Variants in TRRAP observed in about 807,000 individuals in gnomAD.
TRRAP encodes the protein transformation/transcription domain-associated protein.
A neutral mutation model predicts 438.8 loss-of-function variants in TRRAP; 41 were observed. The observed-to-expected ratio is 0.09, with a 90% confidence interval of 0.07 to 0.12. The LOEUF (loss-of-function observed/expected upper bound fraction) is 0.12, where lower values mean the gene tolerates loss of function less well. Among genes scored for constraint, TRRAP ranks in the 10% least tolerant of loss-of-function variants. TRRAP has a pLI of 1.00. For missense variants in TRRAP, 3,122 were observed against 5,055.1 expected, an observed-to-expected ratio of 0.62 and a Z score of 11.60; for synonymous variants, 1,994 against 1,962.9, an observed-to-expected ratio of 1.02 and a Z score of -0.42.
intron 57 of TRRAP, 86 bp downstream of exon 57, chr7:98,978,409 T>C: frequency 8.1e-7 from 1 of 1,239,622 alleles, no homozygotes; most frequent in Non-Finnish European, 1.2e-6. Context: ...TAATGAGCGT[T>C]TTTTAAAGAA....
chr7:98,967,141 A>T lies in TRRAP; in HGVS notation c.7277A>T (p.Asp2426Val), dbSNP rs1792192694. Reference protein sequence around the residue: ...EDLELNAQFLDLVNYVYRDET... With the variant: ...EDLELNAQFLVLVNYVYRDET... ...CTTGAATTAAATGCCCAGTTTTTAG[A>T]TCTTGTTAACTATGTCTACAGGTAA... Residue 2426 changes from aspartate (D) to valine (V), a missense_variant, in exon 50 of 73, where the codon GAT (aspartate) becomes GTT (valine). Physicochemically the swap from Asp to Val is radical, Grantham distance 152 (BLOSUM62 -3). Around this residue, in one of 24 missense-constraint regions of TRRAP, gnomAD observed 992 missense variants for 1,281.2 expected, o/e 0.77. Transcript: ENST00000456197. 6.2e-7 allele frequency: 1 copy of T among 1,613,928 alleles called. No individual in the cohort carries two copies. Among genetic ancestry groups the T allele is most frequent in the South Asian group, 1.1e-5 (1 of 91,056 alleles).
At chr7:98,927,493 A>T (rs1239984506) in intron 23 of TRRAP, 127 bp downstream of exon 23, 1 of 1,197,452 alleles carries the variant, frequency 8.4e-7, no homozygotes, top group Non-Finnish European at 1.1e-6. Context: ...TTCGGCTTTT[A>T]TTTTCCAATT....
rs2116344133 is a variant in TRRAP, at chr7:98,899,512, C to T, written c.711+13C>T. 2.5e-6 allele frequency: 4 copies of T among 1,613,756 alleles called. No individual in the cohort carries two copies. Among genetic ancestry groups the T allele is most frequent in the East Asian group, 2.2e-5 (1 of 44,880 alleles). On this transcript the variant is annotated intron_variant, in intron 9 of 72. Coordinates refer to ENST00000456197, the MANE Select transcript of TRRAP (RefSeq NM_001375524.1). ...TTTAATGTATCAGGTATGTGTATTG[C>T]TCATTAGTCTCTTGGGTTTTGGGCT...
In TRRAP at chr7:98,948,431, G is replaced by A. The variant is rs970559526; in HGVS notation, c.4668+91G>A. The A allele has an allele frequency of 4.8e-5, 77 of 1,609,582 alleles. No homozygotes were observed. In the Middle Eastern group the frequency reaches 5.6e-4, roughly 12 times the overall value. On this transcript the variant is annotated intron_variant, in intron 34 of 72. Transcript: ENST00000456197. This position sits in a 1 kb window ranked among gnomAD's most constrained non-coding sequence, Gnocchi z 4.9. ...GATCGTATTTTCAATGGACGGAACAGCATAAAGACGTTCGATGTCAACATT... is the reference window on the plus strand; with the variant it reads ...GATCGTATTTTCAATGGACGGAACAACATAAAGACGTTCGATGTCAACATT...
rs374730818 is a variant in TRRAP, at chr7:99,007,409, C to T, written c.10754-968C>T. On this transcript the variant is annotated intron_variant, in intron 69 of 72. Coordinates refer to ENST00000456197, the MANE Select transcript of TRRAP (RefSeq NM_001375524.1). ...TCTCATTCAGGCTGGAGTGCAGTGG[C>T]GCAATCTCAGTTCACTGCCACCTCC... is the stretch of plus-strand genomic sequence containing the variant. 2.4e-4 allele frequency among the ~76,000 whole-genome samples: 37 copies of T among 152,308 alleles called. No homozygotes were observed. In the South Asian group the frequency reaches 5.4e-3, roughly 22 times the overall value.
chr7:98,967,256 C>G (rs1232792536), intron 50 of TRRAP, 94 bp downstream of exon 50: 1 of 1,474,504 alleles, frequency 6.8e-7, no homozygotes, highest in East Asian at 2.3e-5. Flanking sequence ...ATCTTTTACT[C>G]ATACCTAAGT....
rs1429906772 is a variant in TRRAP, at chr7:98,897,989, A to G, written c.633+123A>G. 4.1e-6 allele frequency: 6 copies of G among 1,466,022 alleles called. No homozygotes were observed. The Admixed American group carries it at 7.5e-5, about 18-fold the overall frequency. 90.8% of individuals were successfully genotyped at this position (1,466,022 alleles called of 1,614,324 possible). On this transcript the variant is annotated intron_variant, in intron 8 of 72. Coordinates refer to ENST00000456197, the MANE Select transcript of TRRAP (RefSeq NM_001375524.1). ...TTAAGACAAACGTGTGTGCCTGGCA[A>G]AGCATCACTGGTCCTTCTCTGCAGC...
chr7:98,919,834 G>A (rs1353318168), intron 20 of TRRAP, among the ~76,000 whole-genome samples: 1 of 152,138 alleles, frequency 6.6e-6, no homozygotes, highest in Non-Finnish European at 1.5e-5. Flanking sequence ...CAGGCTCAAG[G>A]CCACAGGAAC....
chr7:98,897,400 T>G (rs1250243488), intron 7 of TRRAP, among the ~76,000 whole-genome samples: 1 of 152,222 alleles, frequency 6.6e-6, no homozygotes, highest in African/African-American at 2.4e-5. Flanking sequence ...AGGGTTTGTA[T>G]TTAATCATTT....
chr7:98,909,440 G>GT lies in TRRAP; in HGVS notation c.1350+484dup, dbSNP rs372810973. Among the ~76,000 whole-genome samples the GT allele has an allele frequency of 6.1e-3, 934 of 152,314 alleles. 10 individuals are homozygous for GT. Among genetic ancestry groups the GT allele is most frequent in the African/African-American group, 0.021 (870 of 41,572 alleles). On this transcript the variant is annotated intron_variant, in intron 14 of 72. Coordinates refer to ENST00000456197, the MANE Select transcript of TRRAP (RefSeq NM_001375524.1). ...CCAGATGCTTCACTTCTGTGCACCA[G>GT]TTTTTTCATCTTTTCACTTGGGGTG...
At chr7:98,879,972 C>T (rs1250833403) in intron 1 of TRRAP, among the ~76,000 whole-genome samples, 1 of 152,222 alleles carries the variant, frequency 6.6e-6, no homozygotes, top group Non-Finnish European at 1.5e-5. Flanking sequence ...GTGAAAGCAA[C>T]TTATTTCACC....
intron 44 of TRRAP, 89 bp downstream of exon 44, chr7:98,958,180 C>A: frequency 8.8e-7 from 1 of 1,140,776 alleles, no homozygotes; most frequent in Non-Finnish European, 1.2e-6. Flanking sequence ...GCAATTTCAT[C>A]AAAAAAGATA....
At chr7:99,008,994 A>C (rs1035112803) in intron 70 of TRRAP, among the ~76,000 whole-genome samples, 1 of 151,778 alleles carries the variant, frequency 6.6e-6, no homozygotes, top group Non-Finnish European at 1.5e-5. Flanking sequence ...GATGTGCAGC[A>C]TGTGTGCTGT....
rs782207907 is a variant in TRRAP at position 98,950,266 on chromosome 7, A to C, written c.5334+4A>C. 11 of 1,614,096 alleles carry C rather than the reference A, an allele frequency of 6.8e-6. No individual in the cohort carries two copies. In the East Asian group the frequency reaches 2.2e-4, roughly 33 times the overall value. ...CGGAGATGAATTAAAAGCTAAAGTG[A>C]GTCCCACTCTTATGCTGTAGAAGGG... On this transcript the variant is annotated splice_donor_region_variant and intron_variant, in intron 38 of 72. Transcript: ENST00000456197.
rs1459354823 is a variant in TRRAP at position 98,918,390 on chromosome 7, C to G, written c.2622+711C>G. ...GGACTACAGACGCGTACCACCATGC[C>G]TGGCTAATTTTTGTATTTTAGTAGA... On this transcript the variant is annotated intron_variant, in intron 20 of 72. Coordinates refer to ENST00000456197, the MANE Select transcript of TRRAP (RefSeq NM_001375524.1). 2.0e-5 allele frequency among the ~76,000 whole-genome samples: 3 copies of G among 151,872 alleles called. No individual in the cohort carries two copies. The East Asian group carries it at 5.8e-4, about 30-fold the overall frequency.
intron 1 of TRRAP, among the ~76,000 whole-genome samples, chr7:98,879,139 C>T (rs1036614752): frequency 6.6e-6 from 1 of 152,110 alleles, no homozygotes; most frequent in Non-Finnish European, 1.5e-5. Flanking sequence ...CCGGGCTTGG[C>T]GGGGTCTGGG....
intron 30 of TRRAP, among the ~76,000 whole-genome samples, chr7:98,940,379 G>A (rs310739): frequency 0.15 from 22,614 of 151,692 alleles, 5,304 homozygotes; most frequent in African/African-American, 0.5. Flanking sequence ...TAGTAGAGAC[G>A]GGGCTTCGTC....
rs1386866863 is a variant in TRRAP at position 98,993,672 on chromosome 7, C to A, written c.9982C>A (p.Leu3328Ile). The change falls in exon 66 of 73, where the codon CTT becomes ATT. Residue 3328 changes from leucine (L) to isoleucine (I), a missense_variant. By Grantham distance (5) the Leu-to-Ile change is conservative. Around this residue, in one of 24 missense-constraint regions of TRRAP, gnomAD observed 107 missense variants for 327.5 expected, o/e 0.33. Coordinates refer to ENST00000456197, the MANE Select transcript of TRRAP (RefSeq NM_001375524.1). ...CATGCAGCGAGAGCTCCACCCCACC[C>A]TTCTGTCTTCCCTGGAAGGCATCGT... ...MHMQRELHPT[L>I]LSSLEGIVDQ... 1 of 1,614,248 alleles carries A rather than the reference C, an allele frequency of 6.2e-7. No individual in the cohort carries two copies. Among genetic ancestry groups the A allele is most frequent in the South Asian group, 1.1e-5 (1 of 91,086 alleles).
At chr7:98,894,983 A>T (rs1554405525) in intron 6 of TRRAP, among the ~76,000 whole-genome samples, 1 of 151,984 alleles carries the variant, frequency 6.6e-6, no homozygotes. Context: ...TTTTCTACAT[A>T]ATTGTGGTAA....
Sources: gnomAD v4.1 joint callset for allele counts (sites outside exome capture counted in the v4.1 genomes callset) on GRCh38, gnomAD v4.1.1 for gene constraint, gnomAD v4.1.1 regional missense constraint, Gnocchi (gnomAD v3.1) non-coding constraint, MANE v1.5 for transcripts, NCBI Gene and HGNC (gene_info 2026-07-23, HGNC 2026-07-21) for gene names.